The following LTBP1 variants were observed in gnomAD, a reference collection of about 807,000 sequenced individuals.
The protein encoded by LTBP1 is latent transforming growth factor beta binding protein 1.
A neutral mutation model predicts 207.6 loss-of-function variants in LTBP1; 129 were observed. That is an observed-to-expected ratio of 0.62 (90% CI 0.54 to 0.72). The LOEUF is 0.72. LTBP1 is among the 30% of genes least tolerant of loss of function. LTBP1 has a pLI of 0.00. For synonymous variants in LTBP1, 963 were observed against 833.7 expected, an observed-to-expected ratio of 1.16 and a Z score of -2.67; for missense variants, 2,281 against 2,217.2, an observed-to-expected ratio of 1.03 and a Z score of -0.58.
chr2:33,075,505 T>A (rs1339333794), intron 3 of LTBP1, among the ~76,000 whole-genome samples: 1 of 152,238 alleles, frequency 6.6e-6, no homozygotes, highest in Non-Finnish European at 1.5e-5. Context: ...TATTTGTTGG[T>A]CCTATCAAAG....
intron 24 of LTBP1, among the ~76,000 whole-genome samples, chr2:33,320,447 T>C (rs1297776061): frequency 6.9e-6 from 1 of 144,154 alleles, no homozygotes; most frequent in Non-Finnish European, 1.5e-5. Flanking sequence ...ACCTGAAGGG[T>C]AGAGAAAGAA....
At chr2:33,264,679 A>C (rs896975522) in intron 15 of LTBP1, among the ~76,000 whole-genome samples, 3 of 152,334 alleles carry the variant, frequency 2.0e-5, no homozygotes, top group South Asian at 2.1e-4. Flanking sequence ...ACCTAGGATA[A>C]TACCTTATTC....
At chr2:33,354,444 G>A (rs1183798229) in intron 26 of LTBP1, among the ~76,000 whole-genome samples, 2 of 152,004 alleles carry the variant, frequency 1.3e-5, no homozygotes, top group African/African-American at 4.8e-5. Flanking sequence ...TACCATATAT[G>A]TAGGTAAGGC....
intron 3 of LTBP1, among the ~76,000 whole-genome samples, chr2:33,084,551 C>T (rs2078638747): frequency 6.6e-6 from 1 of 152,148 alleles, no homozygotes; most frequent in South Asian, 2.1e-4. Context: ...ATCAAAAAAT[C>T]AAACTGTTGA....
chr2:33,039,299 G>GAA (rs201788813), intron 3 of LTBP1, among the ~76,000 whole-genome samples: 1 of 143,214 alleles, frequency 7.0e-6, no homozygotes. Context: ...TCTGACAGGA[G>GAA]AAAAAAAAAA....
At chr2:33,280,791 A>G (rs918327679) in intron 19 of LTBP1, among the ~76,000 whole-genome samples, 2 of 152,164 alleles carry the variant, frequency 1.3e-5, no homozygotes, top group Non-Finnish European at 2.9e-5. Flanking sequence ...ACTATAGGCT[A>G]TGCATGGTGG....
intron 24 of LTBP1, among the ~76,000 whole-genome samples, chr2:33,332,514 T>G (rs924731792): frequency 6.6e-6 from 1 of 151,720 alleles, no homozygotes; most frequent in Non-Finnish European, 1.5e-5. Context: ...GACATATTTC[T>G]TAATAGTTTT....
Position 33,348,788 on chromosome 2 carries a change from A to G in LTBP1, c.4000+1278A>G, listed in dbSNP as rs2094739214. Among the ~76,000 whole-genome samples the G allele has an allele frequency of 1.3e-5, 2 of 152,242 alleles. 1 individual carries two copies. Among genetic ancestry groups the G allele is most frequent in the South Asian group, 4.1e-4 (2 of 4,836 alleles). ...TGAAAAAATACAGGATATTCCAATG[A>G]TCACACTCTGTAGAGGAAGGGAGAG... On this transcript the variant is annotated intron_variant, in intron 26 of 33. Transcript: ENST00000404816.
intron 2 of LTBP1, among the ~76,000 whole-genome samples, chr2:32,965,142 C>A (rs1300403553): frequency 2.0e-5 from 3 of 152,134 alleles, no homozygotes; most frequent in Admixed American, 6.5e-5. Context: ...AAAGCAATAG[C>A]TCCATGGTCA....
At chr2:33,259,774 C>T (rs559831313) in intron 13 of LTBP1, among the ~76,000 whole-genome samples, 164 bp downstream of exon 13, 1 of 152,030 alleles carries the variant, frequency 6.6e-6, no homozygotes, top group South Asian at 2.1e-4. Flanking sequence ...ATTTATTGAG[C>T]CATTGTCATA....
At chr2:33,121,011 T>C (rs1246576879) in intron 4 of LTBP1, among the ~76,000 whole-genome samples, 1 of 152,166 alleles carries the variant, frequency 6.6e-6, no homozygotes, top group African/African-American at 2.4e-5. Context: ...TGAGTAAATA[T>C]AATTCGCATG....
At chr2:33,307,633 T>C (rs2094119809) in intron 22 of LTBP1, among the ~76,000 whole-genome samples, 1 of 152,234 alleles carries the variant, frequency 6.6e-6, no homozygotes, top group Non-Finnish European at 1.5e-5. Context: ...TCAAAACTCA[T>C]TGAGCTGACT....
In LTBP1 at chr2:33,275,145, C is replaced by T. The variant is rs564197514; in HGVS notation, c.2869+55C>T. 10 of 1,600,392 alleles carry T rather than the reference C, an allele frequency of 6.2e-6. No homozygotes were observed. The East Asian group carries it at 2.2e-4, about 36-fold the overall frequency. Reference sequence around the variant, plus strand: ...TTCTTAGATCTGAGTTTTTAGATCCCCTAAGACTATCATCAGTTCAGTGCT... The same window carrying T: ...TTCTTAGATCTGAGTTTTTAGATCCTCTAAGACTATCATCAGTTCAGTGCT... On this transcript the variant is annotated intron_variant, in intron 17 of 33. Coordinates refer to ENST00000404816, the MANE Select transcript of LTBP1 (RefSeq NM_206943.4).
At chr2:32,980,421 T>C (rs1682588642) in intron 2 of LTBP1, among the ~76,000 whole-genome samples, 1 of 152,110 alleles carries the variant, frequency 6.6e-6, no homozygotes, top group African/African-American at 2.4e-5. Flanking sequence ...TAAAGAAACT[T>C]ATACCAACAA....
At position 32,947,214 on chromosome 2, in the gene LTBP1, C is replaced by T; in HGVS notation, c.-111C>T. 1.2e-6 allele frequency: 1 copy of T among 848,330 alleles called. No homozygotes were observed. The highest frequency in any genetic ancestry group is 1.5e-6 in the Non-Finnish European group (1 of 646,318). 52.6% of individuals were successfully genotyped at this position (848,330 alleles called of 1,614,324 possible). A position where few individuals can be genotyped will look rare whatever the true frequency, so the allele number is the denominator to read the frequency against. Reference sequence around the variant, plus strand: ...CGACTTGGTCTCCTCCCGCCTTTCCCGGGCTCTCGGCAGCTCTCGGGGGAG... The same window carrying T: ...CGACTTGGTCTCCTCCCGCCTTTCCTGGGCTCTCGGCAGCTCTCGGGGGAG... On this transcript the variant is annotated 5_prime_UTR_variant, in exon 1 of 34. Transcript: ENST00000404816.
chr2:33,228,979 G>A (rs1164564972), intron 9 of LTBP1, among the ~76,000 whole-genome samples: 3 of 151,938 alleles, frequency 2.0e-5, no homozygotes, highest in Non-Finnish European at 4.4e-5. Context: ...GATTACGGGT[G>A]TGAGCCACTG....
intron 3 of LTBP1, among the ~76,000 whole-genome samples, chr2:33,088,834 A>G (rs539911832): frequency 6.6e-6 from 1 of 152,150 alleles, no homozygotes; most frequent in East Asian, 1.9e-4. Flanking sequence ...TTAAAATATT[A>G]TATAATTTAA....
chr2:33,127,263 G>A (rs1261402226), intron 4 of LTBP1, among the ~76,000 whole-genome samples: 4 of 151,710 alleles, frequency 2.6e-5, no homozygotes, highest in Non-Finnish European at 4.4e-5. Flanking sequence ...TTTAAATTTC[G>A]TGAAGTGTAA....
At chr2:33,094,218 G>A (rs971716986) in intron 3 of LTBP1, among the ~76,000 whole-genome samples, 14 of 152,028 alleles carry the variant, frequency 9.2e-5, no homozygotes, top group African/African-American at 3.1e-4. Context: ...GGTTAAATTA[G>A]CCCAATCATG....
Sources: gnomAD v4.1 joint callset for allele counts (sites outside exome capture counted in the v4.1 genomes callset) on GRCh38, gnomAD v4.1.1 for gene constraint, MANE v1.5 for transcripts, NCBI Gene and HGNC (gene_info 2026-07-23, HGNC 2026-07-21) for gene names.